The following ZNF732 variants were observed in gnomAD, a reference collection of about 807,000 sequenced individuals.
ZNF732 encodes zinc finger protein 732.
In ZNF732, 12 loss-of-function variants were observed where a neutral mutation model predicts 11.5. The ratio of observed to expected loss-of-function variants is 1.05; its 90% confidence interval spans 0.67 to 1.70. ZNF732 has a LOEUF of 1.70. ZNF732 is among the 40% of genes most tolerant of loss of function. The pLI is 0.00. For synonymous variants in ZNF732, 231 were observed against 236.5 expected, an observed-to-expected ratio of 0.98 and a Z score of 0.21; for missense variants, 702 against 676.9, an observed-to-expected ratio of 1.04 and a Z score of -0.41.
intron 3 of ZNF732, among the ~76,000 whole-genome samples, chr4:293,225 C>T (rs1553841620): frequency 2.3e-5 from 3 of 133,220 alleles, no homozygotes; most frequent in Admixed American, 1.5e-4. Flanking sequence ...TTACAATAGC[C>T]AAAATATGGT....
chr4:299,459 GTGTATATATATATACACATATA>G, intron 1 of ZNF732, among the ~76,000 whole-genome samples: 1 of 38,912 alleles, frequency 2.6e-5, no homozygotes. Context: ...ATACACATAT[GTGTATATATATATACACATATA>G]TACACATATG....
chr4:303,680 T>C (rs1382384146), intron 1 of ZNF732, among the ~76,000 whole-genome samples: 1 of 152,198 alleles, frequency 6.6e-6, no homozygotes, highest in Non-Finnish European at 1.5e-5. Flanking sequence ...GAGCAAAAAT[T>C]ATTCCCTCAT....
chr4:282,660 C>T (rs74570414), intron 3 of ZNF732, among the ~76,000 whole-genome samples: 4,139 of 152,162 alleles, frequency 0.027, 63 homozygotes, highest in Middle Eastern at 0.075. Flanking sequence ...TGTGAACCCA[C>T]CACTGCACTA....
intron 3 of ZNF732, among the ~76,000 whole-genome samples, chr4:274,911 G>A (rs1301362071): frequency 1.3e-5 from 2 of 151,526 alleles, no homozygotes; most frequent in Non-Finnish European, 3.0e-5. Flanking sequence ...AATATACAAA[G>A]CCAATACTCA....
At chr4:300,913 T>C in intron 1 of ZNF732, among the ~76,000 whole-genome samples, 1 of 152,116 alleles carries the variant, frequency 6.6e-6, no homozygotes, top group Non-Finnish European at 1.5e-5. Flanking sequence ...CAAAAGAAAC[T>C]ACCATCAGAG....
At chr4:285,397 C>G (rs1175021915) in intron 3 of ZNF732, among the ~76,000 whole-genome samples, 1 of 152,108 alleles carries the variant, frequency 6.6e-6, no homozygotes, top group Admixed American at 6.5e-5. Flanking sequence ...GATTGAAGAT[C>G]TGAGTGGTAG....
chr4:291,078 G>A (rs753033110), intron 3 of ZNF732, among the ~76,000 whole-genome samples: 2 of 152,144 alleles, frequency 1.3e-5, no homozygotes, highest in South Asian at 4.1e-4. Context: ...GCAAGGAAAA[G>A]GAGAACAAAG....
chr4:302,531 T>C (rs1720138911), intron 1 of ZNF732, among the ~76,000 whole-genome samples: 1 of 152,146 alleles, frequency 6.6e-6, no homozygotes, highest in Non-Finnish European at 1.5e-5. Context: ...ACTTCCAACA[T>C]CTTCATGACA....
intron 3 of ZNF732, among the ~76,000 whole-genome samples, chr4:274,744 CAA>C (rs1553838436): frequency 6.6e-6 from 1 of 151,448 alleles, no homozygotes; most frequent in East Asian, 1.9e-4. Context: ...CATCTTAAGT[CAA>C]AACTGTCCTA....
At chr4:278,425 C>A (rs1203811209) in intron 3 of ZNF732, among the ~76,000 whole-genome samples, 1 of 152,104 alleles carries the variant, frequency 6.6e-6, no homozygotes, top group Non-Finnish European at 1.5e-5. Context: ...GACATACATA[C>A]AATATTTTAT....
intron 3 of ZNF732, among the ~76,000 whole-genome samples, chr4:286,730 C>A (rs1560160783): frequency 6.6e-6 from 1 of 152,170 alleles, no homozygotes; most frequent in Non-Finnish European, 1.5e-5. Flanking sequence ...GGTATATGTG[C>A]AAGTTTGTTA....
chr4:290,095 G>A (rs912085265), intron 3 of ZNF732, among the ~76,000 whole-genome samples: 4 of 152,068 alleles, frequency 2.6e-5, no homozygotes, highest in Admixed American at 6.6e-5. Context: ...AAACACTAAC[G>A]AAGTGACAGT....
intron 1 of ZNF732, among the ~76,000 whole-genome samples, chr4:304,946 T>C (rs1266913535): frequency 2.0e-5 from 3 of 152,206 alleles, no homozygotes; most frequent in East Asian, 3.9e-4. Context: ...TATGTTTTGA[T>C]AGGGCCTCGA....
chr4:296,927 T>G (rs369169831), intron 1 of ZNF732, among the ~76,000 whole-genome samples: 1 of 152,120 alleles, frequency 6.6e-6, no homozygotes, highest in Admixed American at 6.5e-5. Context: ...CGTTTAAAGT[T>G]TACAGAGGCT....
In ZNF732 at chr4:305,375, G is replaced by C; in HGVS notation, c.-65C>G. 2.5e-6 allele frequency: 4 copies of C among 1,600,928 alleles called. No individual in the cohort carries two copies. In the South Asian group the frequency reaches 3.3e-5, roughly 13 times the overall value. ...TCATCCAATACCCGCAGGTCACAGA[G>C]CGACGGAGGCTGAGGCTGTGACCGA... On this transcript the variant is annotated 5_prime_UTR_variant, in exon 1 of 4. Coordinates refer to ENST00000419098, the MANE Select transcript of ZNF732 (RefSeq NM_001137608.3).
chr4:304,846 T>C (rs960592913), intron 1 of ZNF732, among the ~76,000 whole-genome samples: 14 of 152,296 alleles, frequency 9.2e-5, no homozygotes, highest in East Asian at 3.9e-4. Context: ...TCACAAAAGC[T>C]TTTCCTTCAA....
Position 271,553 on chromosome 4 carries a change from T to G in ZNF732, c.1304A>C (p.Lys435Thr), listed in dbSNP as rs782433261. ...CTCTCCAGTATGAATTATCTTATGT[T>G]TATTCAGGTCTGTGGACCATCCAAA... ...KAFGWSTDLN[K>T]HKIIHTGEKP... is the part of the protein sequence containing the mutation. The change falls in exon 4 of 4, where the codon AAA becomes ACA. Residue 435 changes from lysine (K) to threonine (T), a missense_variant. By Grantham distance (78) the Lys-to-Thr change is moderately conservative. Transcript: ENST00000419098. The G allele has an allele frequency of 8.1e-6, 13 of 1,611,988 alleles. No homozygotes were observed. The highest frequency in any genetic ancestry group is 1.1e-5 in the South Asian group (1 of 90,476).
At chr4:303,173 C>T (rs1720151672) in intron 1 of ZNF732, among the ~76,000 whole-genome samples, 1 of 152,158 alleles carries the variant, frequency 6.6e-6, no homozygotes, top group Non-Finnish European at 1.5e-5. Flanking sequence ...TTTCCTGTAA[C>T]CATTTATCCT....
At chr4:295,628 C>T in intron 2 of ZNF732, 95 bp from the exon 3 acceptor site, 1 of 1,088,634 alleles carries the variant, frequency 9.2e-7, no homozygotes, top group South Asian at 1.6e-5. Flanking sequence ...TATGGAAGAT[C>T]CTACATAATT....
Sources: gnomAD v4.1 joint callset for allele counts (sites outside exome capture counted in the v4.1 genomes callset) on GRCh38, gnomAD v4.1.1 for gene constraint, MANE v1.5 for transcripts, NCBI Gene and HGNC (gene_info 2026-07-23, HGNC 2026-07-21) for gene names.